ZNF385D: variants seen among roughly 807,000 people sequenced by gnomAD.
ZNF385D encodes the protein zinc finger protein 659.
Under a neutral mutation model 35.8 loss-of-function variants are expected in ZNF385D, and 15 were observed. That is an observed-to-expected ratio of 0.42 (90% CI 0.28 to 0.64). ZNF385D has a LOEUF of 0.64. ZNF385D is among the 30% of genes least tolerant of loss of function. ZNF385D has a pLI of 0.23. For synonymous variants in ZNF385D, 212 were observed against 186.8 expected, an observed-to-expected ratio of 1.13 and a Z score of -1.10; for missense variants, 474 against 494.6, an observed-to-expected ratio of 0.96 and a Z score of 0.39.
Position 21,750,885 on chromosome 3 carries a change from G to A in ZNF385D, c.22+10C>T, listed in dbSNP as rs182478819. On this transcript the variant is annotated intron_variant, in intron 1 of 7. Coordinates refer to ENST00000281523, the MANE Select transcript of ZNF385D (RefSeq NM_024697.3). ...ACCCCCAGAATTACATCATCAGAGT[G>A]AACACTCACCAAAATACATTATGTT... 1 of 1,614,128 alleles carries A rather than the reference G, an allele frequency of 6.2e-7. No individual in the cohort carries two copies. Among genetic ancestry groups the A allele is most frequent in the Non-Finnish European group, 8.5e-7 (1 of 1,180,002 alleles).
At chr3:21,954,501 TG>T (rs1702201584) in intron 3 of ZNF385D, among the ~76,000 whole-genome samples, 1 of 152,088 alleles carries the variant, frequency 6.6e-6, no homozygotes, top group African/African-American at 2.4e-5. Flanking sequence ...TTTCTCATTT[TG>T]CAGCAATTTT....
intron 3 of ZNF385D, among the ~76,000 whole-genome samples, chr3:21,950,564 G>C (rs1207003494): frequency 6.6e-6 from 1 of 151,662 alleles, no homozygotes; most frequent in Non-Finnish European, 1.5e-5. Context: ...GATCCCATTT[G>C]TCTATTTTGG....
At chr3:21,767,763 A>G (rs936421562) in intron 3 of ZNF385D, among the ~76,000 whole-genome samples, 6 of 151,994 alleles carry the variant, frequency 3.9e-5, no homozygotes, top group Non-Finnish European at 8.8e-5. Flanking sequence ...AATTTATGAA[A>G]TGGTAGTTGA....
chr3:22,327,721 G>A (rs1286326719), intron 2 of ZNF385D, among the ~76,000 whole-genome samples: 2 of 152,164 alleles, frequency 1.3e-5, no homozygotes, highest in African/African-American at 4.8e-5. Flanking sequence ...AGAGGGTGAT[G>A]TGTATTTAAA....
intron 1 of ZNF385D, among the ~76,000 whole-genome samples, chr3:21,711,104 T>C (rs2130507): frequency 0.52 from 72,758 of 139,548 alleles, 19,487 homozygotes; most frequent in African/African-American, 0.66. Flanking sequence ...TGCAGTGGCG[T>C]GATCTCGGCT....
At chr3:21,491,764 ACATGATCCCTTG>A (rs1705441363) in intron 4 of ZNF385D, among the ~76,000 whole-genome samples, 1 of 152,168 alleles carries the variant, frequency 6.6e-6, no homozygotes, top group Non-Finnish European at 1.5e-5. Context: ...AATACTTACT[ACATGATCCCTTG>A]CAGAAAAAAT....
intron 2 of ZNF385D, among the ~76,000 whole-genome samples, chr3:21,649,271 T>C (rs2065845511): frequency 6.6e-6 from 1 of 152,152 alleles, no homozygotes; most frequent in Non-Finnish European, 1.5e-5. Flanking sequence ...CTGTGGGTGA[T>C]ACAAGGCTGG....
At chr3:21,751,240 C>A (rs2070067246), upstream of ZNF385D, 1 of 1,161,800 alleles carries the variant, frequency 8.6e-7, no homozygotes, top group African/African-American at 1.6e-5. Flanking sequence ...CCCTCCACCC[C>A]ACCCCACCCC....
chr3:21,941,217 G>A (rs904072574), intron 3 of ZNF385D, among the ~76,000 whole-genome samples: 1 of 152,150 alleles, frequency 6.6e-6, no homozygotes, highest in African/African-American at 2.4e-5. Flanking sequence ...TCTTAGCTGT[G>A]TGACCTAGCT....
chr3:21,706,821 T>C (rs763629818), intron 1 of ZNF385D, among the ~76,000 whole-genome samples: 7 of 40,624 alleles, frequency 1.7e-4, no homozygotes, highest in Admixed American at 1.1e-3. Flanking sequence ...AGATGATAGA[T>C]AGATAGATAG....
At chr3:22,272,706 G>C (rs1701238621) in intron 2 of ZNF385D, among the ~76,000 whole-genome samples, 1 of 151,894 alleles carries the variant, frequency 6.6e-6, no homozygotes, top group Non-Finnish European at 1.5e-5. Context: ...TTAAGGATTT[G>C]GTATATTTGT....
chr3:21,831,300 T>C (rs2125763496), intron 3 of ZNF385D, among the ~76,000 whole-genome samples: 1 of 152,286 alleles, frequency 6.6e-6, no homozygotes, highest in East Asian at 1.9e-4. Flanking sequence ...GAAATCACAC[T>C]TACCTCACGG....
intron 2 of ZNF385D, among the ~76,000 whole-genome samples, chr3:21,634,192 G>C (rs1189289434): frequency 2.0e-5 from 3 of 151,054 alleles, no homozygotes; most frequent in African/African-American, 4.9e-5. Flanking sequence ...GTGAGAACCT[G>C]TCTCAAAAAA....
At chr3:22,268,208 C>G (rs1366490102) in intron 2 of ZNF385D, among the ~76,000 whole-genome samples, 1 of 151,954 alleles carries the variant, frequency 6.6e-6, no homozygotes, top group Non-Finnish European at 1.5e-5. Context: ...AAGTGTCACT[C>G]TGATGCTGTC....
intron 3 of ZNF385D, among the ~76,000 whole-genome samples, chr3:21,768,518 G>C (rs2335435): frequency 6.6e-6 from 1 of 151,610 alleles, no homozygotes; most frequent in Middle Eastern, 3.4e-3. Context: ...TAAAGTGGAG[G>C]GAATTTTTAT....
chr3:21,501,305 C>A (rs1221233827), intron 4 of ZNF385D, among the ~76,000 whole-genome samples: 1 of 152,172 alleles, frequency 6.6e-6, no homozygotes, highest in Non-Finnish European at 1.5e-5. Context: ...ACATGTGTGT[C>A]CATGTCTTTT....
chr3:22,130,103 A>C (rs1337828532), intron 3 of ZNF385D, among the ~76,000 whole-genome samples: 1 of 152,122 alleles, frequency 6.6e-6, no homozygotes, highest in Non-Finnish European at 1.5e-5. Flanking sequence ...GTGGGTCTAA[A>C]AACATCATCT....
chr3:21,776,636 G>A (rs76973608), intron 3 of ZNF385D, among the ~76,000 whole-genome samples: 1 of 151,764 alleles, frequency 6.6e-6, no homozygotes, highest in East Asian at 1.9e-4. Flanking sequence ...ATGTAATTTA[G>A]AGATAACTAA....
intron 2 of ZNF385D, among the ~76,000 whole-genome samples, chr3:22,171,866 G>C (rs2125763108): frequency 8.7e-6 from 1 of 114,920 alleles, no homozygotes; most frequent in Admixed American, 1.2e-4. Flanking sequence ...AACAGAGCAA[G>C]ACTCGGTCTC....
Sources: allele counts gnomAD v4.1 joint callset (sites outside exome capture counted in the v4.1 genomes callset), GRCh38; gene constraint gnomAD v4.1.1; transcripts MANE v1.5; gene names NCBI Gene and HGNC (gene_info 2026-07-23, HGNC 2026-07-21).